Variants in RIN3 observed in about 807,000 individuals in gnomAD.
RIN3 encodes the protein Ras and Rab interactor 3.
Under a neutral mutation model 76.3 loss-of-function variants are expected in RIN3, and 54 were observed. The observed-to-expected ratio is 0.71, with a 90% confidence interval of 0.57 to 0.89. The LOEUF (loss-of-function observed/expected upper bound fraction) is 0.89. RIN3 is among the 40% of genes least tolerant of loss of function. The pLI is 0.00. For missense variants in RIN3, 1,256 were observed against 1,322.1 expected (o/e 0.95, Z 0.78); for synonymous variants, 576 against 564.0 (o/e 1.02, Z -0.30).
In RIN3 at chr14:92,577,516, G is replaced by A. The variant is rs545749771; in HGVS notation, c.367+39G>A. On this transcript the variant is annotated intron_variant, in intron 3 of 9. Transcript: ENST00000216487. ...TTCTCTGTTTTCACTTTGACCACGC[G>A]GCAGCAGCAGCAGCAGAGAGGCTGC... 54 of 1,310,960 alleles carry A rather than the reference G, an allele frequency of 4.1e-5. No homozygotes were observed. In the East Asian group the frequency reaches 1.1e-3, roughly 27 times the overall value. The allele number at this position is 1,310,960 out of a possible 1,614,324, so 81.2% of individuals were successfully genotyped here.
intron 1 of RIN3, among the ~76,000 whole-genome samples, chr14:92,549,575 G>A (rs1260278363): frequency 6.6e-6 from 1 of 152,188 alleles, no homozygotes; most frequent in East Asian, 1.9e-4. Context: ...GGCTGAATAG[G>A]CCTGAATGTA....
intron 1 of RIN3, among the ~76,000 whole-genome samples, chr14:92,523,238 G>C (rs1400165951): frequency 6.6e-6 from 1 of 152,124 alleles, no homozygotes; most frequent in Non-Finnish European, 1.5e-5. Flanking sequence ...AGCCTTCCGA[G>C]TAGCTGGGAT....
chr14:92,531,980 G>A (rs1489038154), intron 1 of RIN3, among the ~76,000 whole-genome samples: 1 of 151,348 alleles, frequency 6.6e-6, no homozygotes, highest in Non-Finnish European at 1.5e-5. Flanking sequence ...CCAGGCTGGA[G>A]TGCAGTGGTG....
At chr14:92,591,775 G>A (rs961034221) in intron 3 of RIN3, among the ~76,000 whole-genome samples, 7 of 151,942 alleles carry the variant, frequency 4.6e-5, no homozygotes, top group African/African-American at 1.2e-4. Flanking sequence ...AGACTTTCTC[G>A]AACAAACAAA....
intron 8 of RIN3, among the ~76,000 whole-genome samples, chr14:92,684,121 A>G (rs4904975): frequency 0.62 from 94,087 of 151,950 alleles, 29,374 homozygotes; most frequent in East Asian, 0.78. Context: ...GGTTCATGTC[A>G]GTAATCCCAG....
chr14:92,685,426 T>G lies in RIN3; in HGVS notation c.2631+276T>G. ...CAGGAGGAATGAGACACACCCATCA[T>G]TCCTTAGCCCCTCCTAGGACCCAGC... is the stretch of plus-strand genomic sequence containing the variant. On this transcript the variant is annotated intron_variant, in intron 9 of 9. Coordinates refer to ENST00000216487, the MANE Select transcript of RIN3 (RefSeq NM_024832.5). This position sits in a 1 kb window ranked among gnomAD's most constrained non-coding sequence, Gnocchi z 4.7. The G allele has an allele frequency of 1.4e-5, 6 of 424,304 alleles. No homozygotes were observed. The highest frequency in any genetic ancestry group is 1.7e-5 in the Non-Finnish European group (4 of 228,936). The allele number at this position is 424,304 out of a possible 1,614,324, so 26.3% of individuals were successfully genotyped here.
intron 7 of RIN3, among the ~76,000 whole-genome samples, chr14:92,668,920 G>T (rs1388320258): frequency 6.6e-6 from 1 of 152,174 alleles, no homozygotes; most frequent in Non-Finnish European, 1.5e-5. Context: ...GTTCTAAATG[G>T]CCTCTACTTC....
intron 2 of RIN3, chr14:92,576,405 C>A (rs1313141971): frequency 7.0e-6 from 9 of 1,289,554 alleles, no homozygotes; most frequent in Non-Finnish European, 9.1e-6. Context: ...TTCTAGAGCA[C>A]AGCTGCGTCC....
chr14:92,607,396 C>T (rs544648408), intron 3 of RIN3, among the ~76,000 whole-genome samples: 2 of 152,314 alleles, frequency 1.3e-5, no homozygotes, highest in African/African-American at 2.4e-5. Flanking sequence ...GTAATTCCAG[C>T]GTTTTGGGAG....
intron 3 of RIN3, among the ~76,000 whole-genome samples, chr14:92,612,027 C>G (rs1336098412): frequency 6.6e-6 from 1 of 152,116 alleles, no homozygotes; most frequent in African/African-American, 2.4e-5. Flanking sequence ...CGTGAGAACT[C>G]TATCAGAGAA....
chr14:92,607,229 T>A (rs1885557897), intron 3 of RIN3, among the ~76,000 whole-genome samples: 3 of 152,100 alleles, frequency 2.0e-5, no homozygotes, highest in African/African-American at 4.8e-5. Flanking sequence ...ATTGGAATGG[T>A]TAAAATAAAA....
At chr14:92,600,797 G>C (rs186639250) in intron 3 of RIN3, among the ~76,000 whole-genome samples, 1 of 152,192 alleles carries the variant, frequency 6.6e-6, no homozygotes, top group Non-Finnish European at 1.5e-5. Context: ...ATTCCTTGTC[G>C]TGTGGACTGT....
intron 8 of RIN3, among the ~76,000 whole-genome samples, chr14:92,683,157 A>C (rs576671317): frequency 6.6e-6 from 1 of 151,868 alleles, no homozygotes; most frequent in East Asian, 1.9e-4. Flanking sequence ...ACAAGAGCGA[A>C]ACTCCATCTA....
intron 1 of RIN3, among the ~76,000 whole-genome samples, chr14:92,528,615 G>A (rs551285713): frequency 2.0e-3 from 305 of 152,292 alleles, no homozygotes; most frequent in Middle Eastern, 6.8e-3. Flanking sequence ...TGGGAAATGG[G>A]GGGCAGGTCC....
intron 7 of RIN3, among the ~76,000 whole-genome samples, chr14:92,670,009 C>T (rs943000408): frequency 6.6e-6 from 1 of 152,130 alleles, no homozygotes. Context: ...AGTCCTCCTA[C>T]CTCAGCCTCC....
intron 1 of RIN3, among the ~76,000 whole-genome samples, chr14:92,535,105 T>C (rs1896965529): frequency 2.0e-5 from 3 of 152,084 alleles, no homozygotes; most frequent in African/African-American, 7.2e-5. Context: ...AATTTACGAT[T>C]CCCCGATCCT....
intron 1 of RIN3, among the ~76,000 whole-genome samples, chr14:92,522,155 C>A (rs927564456): frequency 6.6e-6 from 1 of 152,078 alleles, no homozygotes; most frequent in Non-Finnish European, 1.5e-5. Flanking sequence ...TTCTTCCGGG[C>A]AAGACACTGA....
intron 6 of RIN3, among the ~76,000 whole-genome samples, chr14:92,654,731 A>G (rs999360143): frequency 6.6e-6 from 1 of 152,216 alleles, no homozygotes; most frequent in Non-Finnish European, 1.5e-5. Context: ...AGGGCCCTGT[A>G]AGCAGAGAGT....
intron 3 of RIN3, among the ~76,000 whole-genome samples, chr14:92,605,898 G>A (rs752917249): frequency 4.6e-5 from 7 of 152,156 alleles, no homozygotes; most frequent in Non-Finnish European, 8.8e-5. Flanking sequence ...AAAGCAGATT[G>A]GGAATGGCCC....
Sources: gnomAD v4.1 joint callset for allele counts (sites outside exome capture counted in the v4.1 genomes callset) on GRCh38, gnomAD v4.1.1 for gene constraint, Gnocchi (gnomAD v3.1) non-coding constraint, MANE v1.5 for transcripts, NCBI Gene and HGNC (gene_info 2026-07-23, HGNC 2026-07-21) for gene names.